Variants in ANKFN1 observed in about 807,000 individuals in gnomAD.
The protein encoded by ANKFN1 is ankyrin repeat and fibronectin type-III domain-containing protein 1.
In ANKFN1, 74 loss-of-function variants were observed where a neutral mutation model predicts 108.7. That is an observed-to-expected ratio of 0.68 (90% CI 0.56 to 0.83). The LOEUF is 0.83. Among genes scored for constraint, ANKFN1 ranks in the 40% least tolerant of loss-of-function variants. The pLI is 0.00. For synonymous variants in ANKFN1, 547 were observed against 516.2 expected, an observed-to-expected ratio of 1.06 and a Z score of -0.81; for missense variants, 1,505 against 1,382.3, an observed-to-expected ratio of 1.09 and a Z score of -1.41.
intron 1 of ANKFN1, among the ~76,000 whole-genome samples, chr17:56,196,732 C>A (rs1355807119): frequency 2.0e-5 from 3 of 152,056 alleles, no homozygotes; most frequent in Non-Finnish European, 4.4e-5. Context: ...CAGAGCAAGA[C>A]CCTGTCACAA....
intron 4 of ANKFN1, among the ~76,000 whole-genome samples, chr17:56,106,599 C>T (rs1905757260): frequency 6.6e-6 from 1 of 152,118 alleles, no homozygotes; most frequent in Non-Finnish European, 1.5e-5. Flanking sequence ...AATCTGAAAT[C>T]CCAATTTCTG....
At chr17:56,298,157 A>C (rs557383706) in intron 3 of ANKFN1, among the ~76,000 whole-genome samples, 1 of 152,186 alleles carries the variant, frequency 6.6e-6, no homozygotes, top group African/African-American at 2.4e-5. Flanking sequence ...AAGTGAATTG[A>C]TGTGTGTTAA....
intron 2 of ANKFN1, among the ~76,000 whole-genome samples, chr17:56,221,432 T>G (rs1451576368): frequency 1.3e-5 from 2 of 152,162 alleles, no homozygotes; most frequent in Admixed American, 1.3e-4. Flanking sequence ...TATGAAAATT[T>G]ATAAGGAAAA....
intron 3 of ANKFN1, among the ~76,000 whole-genome samples, chr17:56,309,189 A>G (rs2044935277): frequency 6.6e-6 from 1 of 152,174 alleles, no homozygotes; most frequent in Non-Finnish European, 1.5e-5. Context: ...ACTAGACATT[A>G]CTTTTTTTGA....
At chr17:56,343,154 G>C (rs1322301640) in intron 4 of ANKFN1, among the ~76,000 whole-genome samples, 2 of 151,806 alleles carry the variant, frequency 1.3e-5, no homozygotes, top group Non-Finnish European at 2.9e-5. Context: ...TTGTTTGGTA[G>C]CTTTTCCTCA....
chr17:56,082,407 G>A (rs1284434596), intron 4 of ANKFN1, among the ~76,000 whole-genome samples: 2 of 150,416 alleles, frequency 1.3e-5, no homozygotes, highest in African/African-American at 4.9e-5. Flanking sequence ...GAAACCTGCT[G>A]CATTTTTTTC....
chr17:56,267,495 G>C lies in ANKFN1; in HGVS notation c.53+39538G>C, dbSNP rs867095824. ...TCATGAACTCATTGACAGGGCCTCT[G>C]TTCAGAATAGTATTTCCTAGGTTAG... On this transcript the variant is annotated intron_variant, in intron 3 of 20. Transcript: ENST00000682825. 5.9e-5 allele frequency among the ~76,000 whole-genome samples: 9 copies of C among 152,224 alleles called. No individual in the cohort carries two copies. In the Middle Eastern group the frequency reaches 0.014, roughly 230 times the overall value.
Position 56,308,273 on chromosome 17 carries a change from A to G in ANKFN1, c.54-17948A>G, listed in dbSNP as rs149128883. ...AAGAAGTTAAAGCATAAAAAAATAA[A>G]CATGGGAGTGCAAAAAAAAGATTTT... On this transcript the variant is annotated intron_variant, in intron 3 of 20. Coordinates refer to ENST00000682825, the MANE Select transcript of ANKFN1 (RefSeq NM_001370326.1). 5.5e-4 allele frequency among the ~76,000 whole-genome samples: 83 copies of G among 152,258 alleles called. 1 individual carries two copies. The East Asian group carries it at 0.013, about 24-fold the overall frequency.
intron 1 of ANKFN1, among the ~76,000 whole-genome samples, chr17:56,160,752 A>G (rs1909581260): frequency 6.6e-6 from 1 of 152,214 alleles, no homozygotes; most frequent in Non-Finnish European, 1.5e-5. Flanking sequence ...GAAGATGCCT[A>G]TTGATTTATT....
rs1468212639 is a variant in ANKFN1 at position 56,266,097 on chromosome 17, T to G, written c.53+38140T>G. Among the ~76,000 whole-genome samples the G allele has an allele frequency of 2.0e-5, 3 of 152,206 alleles. No homozygotes were observed. The East Asian group carries it at 5.8e-4, about 29-fold the overall frequency. On this transcript the variant is annotated intron_variant, in intron 3 of 20. Coordinates refer to ENST00000682825, the MANE Select transcript of ANKFN1 (RefSeq NM_001370326.1). ...ATAAAATTTGATTTTCTTGACATTT[T>G]TCAGTAGTGCTTGAATCATAAATAA...
rs140559528 is a variant in ANKFN1 at position 56,354,077 on chromosome 17, A to G, written c.601+31A>G. 2,870 of 1,603,544 alleles carry G rather than the reference A, an allele frequency of 1.8e-3. 44 individuals carry two copies. In the African/African-American group the frequency reaches 0.032, roughly 18 times the overall value. On this transcript the variant is annotated intron_variant, in intron 6 of 20. Coordinates refer to ENST00000682825, the MANE Select transcript of ANKFN1 (RefSeq NM_001370326.1). ...TAACCTGAGAATAAACACATGTACTATTAAAGCCAGATTCCAGCCTTATGC... is the reference window on the plus strand; with the variant it reads ...TAACCTGAGAATAAACACATGTACTGTTAAAGCCAGATTCCAGCCTTATGC...
At chr17:56,234,576 G>C (rs1001279623) in intron 3 of ANKFN1, among the ~76,000 whole-genome samples, 11 of 151,880 alleles carry the variant, frequency 7.2e-5, no homozygotes, top group African/African-American at 2.4e-4. Context: ...TCATTTAGCT[G>C]CTACTAATAA....
chr17:56,436,120 G>C (rs2048922409), intron 8 of ANKFN1, among the ~76,000 whole-genome samples: 1 of 151,970 alleles, frequency 6.6e-6, no homozygotes, highest in South Asian at 2.1e-4. Context: ...GCAGTGTTCA[G>C]GTAGAACTTC....
At chr17:56,428,859 A>C (rs75588132) in intron 8 of ANKFN1, among the ~76,000 whole-genome samples, 3,026 of 152,000 alleles carry the variant, frequency 0.02, 94 homozygotes, top group African/African-American at 0.068. Flanking sequence ...CAGCTGACAA[A>C]AAGTGCTTTT....
At chr17:56,376,058 C>T (rs1030195995) in intron 8 of ANKFN1, among the ~76,000 whole-genome samples, 1 of 152,222 alleles carries the variant, frequency 6.6e-6, no homozygotes, top group East Asian at 1.9e-4. Flanking sequence ...GCTGATAAAG[C>T]TCTCCACACA....
chr17:56,308,433 T>C (rs1419966710), intron 3 of ANKFN1, among the ~76,000 whole-genome samples: 20 of 152,224 alleles, frequency 1.3e-4, no homozygotes, highest in Admixed American at 1.3e-3. Context: ...CATTTATTAG[T>C]TCTAGTGGTC....
rs1432449057 is a variant in ANKFN1 at position 56,372,653 on chromosome 17, C to T, written c.609C>T (p.Ser203=). Reference sequence around the variant, plus strand: ...CCATTTCTTTCCCTTTAGTTGTCAGCCTGGAAAGCCGAGCAATGCACCTCA... The same window carrying T: ...CCATTTCTTTCCCTTTAGTTGTCAGTCTGGAAAGCCGAGCAATGCACCTCA... The part of the protein sequence containing the change: ...TGARESPHFV[S]LESRAMHLNT... Residue 203 remains serine (S), a synonymous_variant, in exon 7 of 21, where the codon AGC becomes AGT. Transcript: ENST00000682825. The T allele has an allele frequency of 1.2e-6, 2 of 1,611,056 alleles. No homozygotes were observed. Among genetic ancestry groups the T allele is most frequent in the Non-Finnish European group, 8.5e-7 (1 of 1,179,316 alleles).
chr17:56,116,502 G>GTCA (rs1906284463), intron 4 of ANKFN1, among the ~76,000 whole-genome samples: 1 of 152,116 alleles, frequency 6.6e-6, no homozygotes, highest in South Asian at 2.1e-4. Flanking sequence ...CTGGCTTGAT[G>GTCA]TCATTCTCAA....
intron 3 of ANKFN1, among the ~76,000 whole-genome samples, chr17:56,230,525 T>C (rs757158573): frequency 7.2e-5 from 11 of 152,126 alleles, no homozygotes; most frequent in Admixed American, 3.9e-4. Context: ...GGGATTCTGG[T>C]GGCAAGCTTT....
Sources: gnomAD v4.1 joint callset for allele counts (sites outside exome capture counted in the v4.1 genomes callset) on GRCh38, gnomAD v4.1.1 for gene constraint, MANE v1.5 for transcripts, NCBI Gene and HGNC (gene_info 2026-07-23, HGNC 2026-07-21) for gene names.